Variants in IFT57 observed in about 807,000 individuals in gnomAD.
IFT57 encodes intraflagellar transport 57.
A neutral mutation model predicts 56.8 loss-of-function variants in IFT57; 59 were observed. That is an observed-to-expected ratio of 1.04 (90% CI 0.84 to 1.29). The LOEUF is 1.29. Ranked by LOEUF, IFT57 falls within the 50% of genes most tolerant of loss-of-function variation. The probability of loss-of-function intolerance (pLI) is 0.00; values close to 1 mark genes in which losing one functional copy is unlikely to be tolerated. For missense variants in IFT57, 470 were observed against 522.1 expected (o/e 0.90, Z 0.97); for synonymous variants, 209 against 186.1 (o/e 1.12, Z -1.00).
At chr3:108,189,317 T>C (rs1345507848) in intron 6 of IFT57, among the ~76,000 whole-genome samples, 1 of 152,202 alleles carries the variant, frequency 6.6e-6, no homozygotes, top group Non-Finnish European at 1.5e-5. Flanking sequence ...AAGACCTCTG[T>C]TGCTCTCGCC....
intron 1 of IFT57, 188 bp downstream of exon 1, chr3:108,221,923 C>G (rs2107225550): frequency 8.5e-7 from 1 of 1,182,910 alleles, no homozygotes; most frequent in East Asian, 2.7e-5. Context: ...TACAAAAATA[C>G]CAAGTCAGGG....
chr3:108,214,119 C>T, intron 3 of IFT57, 98 bp from the exon 4 acceptor site: 1 of 639,848 alleles, frequency 1.6e-6, no homozygotes, highest in South Asian at 2.5e-5. Context: ...CAGGTTTTGT[C>T]CTTTTTCATT....
chr3:108,163,667 A>G lies in IFT57; in HGVS notation c.1107T>C (p.Asp369=). The change falls in exon 10 of 11, where the codon GAT becomes GAC. Residue 369 remains aspartate, a synonymous_variant. Coordinates refer to ENST00000264538, the MANE Select transcript of IFT57 (RefSeq NM_018010.4). The part of the protein sequence containing the change: ...EMEEKGSSMT[D]GAPLVKIKQS... ...CTAAAATGAGCATGTACTTACCACC[A>G]TCAGTCATGCTGCTGCCCTTTTCTT... 6.2e-7 allele frequency: 1 copy of G among 1,608,554 alleles called. No homozygotes were observed.
At chr3:108,184,446 AAGTT>A (rs946191103) in intron 6 of IFT57, among the ~76,000 whole-genome samples, 6 of 152,134 alleles carry the variant, frequency 3.9e-5, no homozygotes, top group South Asian at 2.1e-4. Context: ...AATTAAGAAA[AAGTT>A]AGGTATGTTA....
Position 108,182,437 on chromosome 3 carries a change from C to T in IFT57, c.777+9084G>A, listed in dbSNP as rs901270119. On this transcript the variant is annotated intron_variant, in intron 6 of 10. Transcript: ENST00000264538. ...AATTCTACCTGCTGATTAAAGGAGG[C>T]CTCTCTTCTCCCTCTCAGGTTTTGG... is the stretch of plus-strand genomic sequence containing the variant. Among the ~76,000 whole-genome samples, 4 of 152,068 alleles carry T rather than the reference C, an allele frequency of 2.6e-5. No individual in the cohort carries two copies. The East Asian group carries it at 7.7e-4, about 29-fold the overall frequency.
At chr3:108,164,266 C>T (rs764312187) in intron 9 of IFT57, among the ~76,000 whole-genome samples, 1 of 151,936 alleles carries the variant, frequency 6.6e-6, no homozygotes, top group African/African-American at 2.4e-5. Flanking sequence ...CTCCGAACTC[C>T]AAGGAGGCAT....
chr3:108,164,105 T>C (rs79163761), intron 9 of IFT57, among the ~76,000 whole-genome samples: 13,936 of 152,116 alleles, frequency 0.092, 703 homozygotes, highest in Middle Eastern at 0.12. Context: ...CCTGAAGAGA[T>C]TTTAGATTTC....
intron 4 of IFT57, among the ~76,000 whole-genome samples, chr3:108,208,161 T>A (rs1470774320): frequency 6.6e-6 from 1 of 152,150 alleles, no homozygotes; most frequent in Admixed American, 6.5e-5. Flanking sequence ...AACATAAATG[T>A]AGATTCTATA....
At chr3:108,206,853 G>A (rs1257714619) in intron 4 of IFT57, among the ~76,000 whole-genome samples, 157 bp from the exon 5 acceptor site, 1 of 152,006 alleles carries the variant, frequency 6.6e-6, no homozygotes, top group Non-Finnish European at 1.5e-5. Flanking sequence ...GCATAAAGTA[G>A]GGCACAATAT....
At chr3:108,219,922 T>C (rs144967865) in intron 1 of IFT57, among the ~76,000 whole-genome samples, 1 of 152,228 alleles carries the variant, frequency 6.6e-6, no homozygotes, top group Non-Finnish European at 1.5e-5. Flanking sequence ...AAAATGGTAA[T>C]CTGGAAGAAC....
chr3:108,189,024 A>G (rs909352681), intron 6 of IFT57, among the ~76,000 whole-genome samples: 2 of 152,206 alleles, frequency 1.3e-5, no homozygotes, highest in African/African-American at 4.8e-5. Flanking sequence ...TTATAACCAG[A>G]ATCACAATAA....
At chr3:108,208,307 C>T (rs192839788) in intron 4 of IFT57, among the ~76,000 whole-genome samples, 1 of 152,304 alleles carries the variant, frequency 6.6e-6, no homozygotes, top group East Asian at 1.9e-4. Context: ...TATGTTTGCA[C>T]TAGTAAGAGT....
At chr3:108,201,147 C>G (rs1024991031) in intron 5 of IFT57, among the ~76,000 whole-genome samples, 9 of 152,166 alleles carry the variant, frequency 5.9e-5, no homozygotes, top group Non-Finnish European at 1.2e-4. Context: ...GCGAGTGACA[C>G]AGAGTCAGGA....
rs754380415 is a variant in IFT57 at position 108,218,595 on chromosome 3, C to A, written c.434G>T (p.Cys145Phe). 9.5e-6 allele frequency: 15 copies of A among 1,570,852 alleles called. No individual in the cohort carries two copies. Among genetic ancestry groups the A allele is most frequent in the African/African-American group, 2.8e-5 (2 of 72,330 alleles). The change falls in exon 3 of 11, where the codon TGC becomes TTC. Residue 145 changes from cysteine to phenylalanine, a missense_variant. Cys to Phe is a radical substitution (Grantham distance 205, BLOSUM62 -2). Coordinates refer to ENST00000264538, the MANE Select transcript of IFT57 (RefSeq NM_018010.4). ...TTCAGCGAAGCAATCAAGAACATAG[C>A]ATACATGTTCTCCATAACCTGACTT... is the stretch of plus-strand genomic sequence containing the variant. Reference protein sequence around the residue: ...KLKSGYGEHVCYVLDCFAEEA... With the variant: ...KLKSGYGEHVFYVLDCFAEEA...
intron 4 of IFT57, among the ~76,000 whole-genome samples, chr3:108,212,057 A>G (rs1211637572): frequency 2.0e-5 from 3 of 152,118 alleles, no homozygotes; most frequent in Admixed American, 2.0e-4. Flanking sequence ...ATCACAGCTT[A>G]CTGCACTTTC....
intron 1 of IFT57, 107 bp from the exon 2 acceptor site, chr3:108,219,679 CA>C: frequency 8.5e-7 from 1 of 1,171,122 alleles, no homozygotes; most frequent in Non-Finnish European, 1.2e-6. Flanking sequence ...TTCTTCCCCC[CA>C]AATGGCCATC....
At chr3:108,182,217 A>C (rs1452823048) in intron 6 of IFT57, among the ~76,000 whole-genome samples, 1 of 150,956 alleles carries the variant, frequency 6.6e-6, no homozygotes, top group African/African-American at 2.5e-5. Flanking sequence ...CCATGGCAGA[A>C]GGTCAAATCA....
chr3:108,206,034 T>C (rs1177876997), intron 5 of IFT57, among the ~76,000 whole-genome samples: 59 of 124,272 alleles, frequency 4.7e-4, no homozygotes, highest in East Asian at 2.3e-3. Flanking sequence ...TTGTATATTA[T>C]TTATAATATA....
chr3:108,182,996 A>C (rs2080160204), intron 6 of IFT57, among the ~76,000 whole-genome samples: 1 of 152,156 alleles, frequency 6.6e-6, no homozygotes, highest in Non-Finnish European at 1.5e-5. Flanking sequence ...TTTTCATTGC[A>C]TTAAATGCCT....
Sources: gnomAD v4.1 joint callset for allele counts (sites outside exome capture counted in the v4.1 genomes callset) on GRCh38, gnomAD v4.1.1 for gene constraint, MANE v1.5 for transcripts, NCBI Gene and HGNC (gene_info 2026-07-23, HGNC 2026-07-21) for gene names.